Variants in PNPLA3 observed in about 807,000 individuals in gnomAD.
PNPLA3 encodes the protein 1-acylglycerol-3-phosphate O-acyltransferase PNPLA3.
PNPLA3 carries 42 observed loss-of-function variants against 43.1 expected under a neutral mutation model. The ratio of observed to expected loss-of-function variants is 0.97; its 90% CI spans 0.76 to 1.26. PNPLA3 has a LOEUF of 1.26. PNPLA3 is among the 50% of genes most tolerant of loss of function. PNPLA3 has a pLI of 0.00. For missense variants in PNPLA3, 647 were observed against 621.4 expected, an observed-to-expected ratio of 1.04 and a Z score of -0.44; for synonymous variants, 272 against 253.6, an observed-to-expected ratio of 1.07 and a Z score of -0.69.
At chr22:43,946,117 G>A (rs1405590935) in intron 8 of PNPLA3, 37 bp from the exon 9 acceptor site, 1 of 1,593,386 alleles carries the variant, frequency 6.3e-7, no homozygotes, top group African/African-American at 1.3e-5. Context: ...GCAGCAGCGG[G>A]AACGGCCTCT....
chr22:43,925,978 G>A (rs1302105522), intron 1 of PNPLA3, among the ~76,000 whole-genome samples: 1 of 152,214 alleles, frequency 6.6e-6, no homozygotes, highest in Non-Finnish European at 1.5e-5. Flanking sequence ...GAACCACCAA[G>A]TCCCTGGAAG....
chr22:43,945,418 G>A (rs4823180), intron 8 of PNPLA3, among the ~76,000 whole-genome samples: 31,068 of 152,050 alleles, frequency 0.2, 3,707 homozygotes, highest in East Asian at 0.4. Context: ...CCAGGGTTGG[G>A]CGTTATCCTG....
At position 43,923,934 on chromosome 22, in the gene PNPLA3, G is replaced by A. The variant is rs1168388173; in HGVS notation, c.23G>A (p.Trp8Ter). Residue 8 changes from tryptophan (W) to a stop codon, truncating the protein, a stop_gained, in exon 1 of 9, where the codon TGG becomes TAG. Coordinates refer to ENST00000216180, the MANE Select transcript of PNPLA3 (RefSeq NM_025225.3). LOFTEE classifies it high-confidence loss of function. Reference sequence around the variant, plus strand: ...GCCATGTACGACGCAGAGCGCGGCTGGAGCTTGTCCTTCGCGGGCTGCGGC... The same window carrying A: ...GCCATGTACGACGCAGAGCGCGGCTAGAGCTTGTCCTTCGCGGGCTGCGGC... MYDAERGWSLSFAGCGFL... is the reference protein window; with the variant it reads MYDAERG 6.3e-7 allele frequency: 1 copy of A among 1,577,106 alleles called. No individual in the cohort carries two copies. Among genetic ancestry groups the A allele is most frequent in the Non-Finnish European group, 8.5e-7 (1 of 1,170,170 alleles).
chr22:43,944,756 T>TG lies in PNPLA3; in HGVS notation c.1179dup (p.Phe394ValfsTer29). On this transcript the variant is annotated frameshift_variant, in exon 8 of 9. Coordinates refer to ENST00000216180, the MANE Select transcript of PNPLA3 (RefSeq NM_025225.3). LOFTEE classifies it low-confidence loss of function (END_TRUNC). ...TGGTTGCAGTGGGTGACCTCACAGG[T>TG]GTTCACTCGAGTGCTGATGTGTCTG... 6.2e-7 allele frequency: 1 copy of TG among 1,614,156 alleles called. No individual in the cohort carries two copies. The highest frequency in any genetic ancestry group is 8.5e-7 in the Non-Finnish European group (1 of 1,180,030).
chr22:43,927,168 G>A lies in PNPLA3; in HGVS notation c.420+1G>A, dbSNP rs372217781. On this transcript the variant is annotated splice_donor_variant, in intron 2 of 8. Transcript: ENST00000216180. LOFTEE classifies it high-confidence loss of function. Reference sequence around the variant, plus strand: ...TCGGTCCAAAGACGAAGTCGTGGATGTAAGCAGTTTGCTTATCTGGACGTT... The same window carrying A: ...TCGGTCCAAAGACGAAGTCGTGGATATAAGCAGTTTGCTTATCTGGACGTT... 5.6e-5 allele frequency: 91 copies of A among 1,613,056 alleles called. No homozygotes were observed. Among genetic ancestry groups the A allele is most frequent in the Non-Finnish European group, 7.3e-5 (86 of 1,179,140 alleles).
intron 3 of PNPLA3, among the ~76,000 whole-genome samples, chr22:43,929,660 A>G (rs1186306221): frequency 6.9e-6 from 1 of 144,636 alleles, no homozygotes; most frequent in Non-Finnish European, 1.5e-5. Flanking sequence ...GCAGTGGTGC[A>G]ATCTCGGCTC....
intron 5 of PNPLA3, among the ~76,000 whole-genome samples, chr22:43,935,388 A>G (rs891031717): frequency 6.6e-6 from 1 of 152,150 alleles, no homozygotes; most frequent in African/African-American, 2.4e-5. Context: ...CAGCCTTGTG[A>G]GAGAAGTGAG....
Position 43,946,579 on chromosome 22 carries a change from A to C in PNPLA3, c.*197A>C. On this transcript the variant is annotated 3_prime_UTR_variant, in exon 9 of 9. Transcript: ENST00000216180. The stretch of plus-strand genomic sequence containing the variant: ...CAGCGGTCCAGCACTTAACTCTAAT[A>C]CATCAGCATGCGTTAATTCAGCTGG... 4.2e-6 allele frequency: 3 copies of C among 715,398 alleles called. No individual in the cohort carries two copies. The highest frequency in any genetic ancestry group is 7.6e-6 in the Non-Finnish European group (3 of 392,698). 44.3% of individuals were successfully genotyped at this position (715,398 alleles called of 1,614,324 possible). A position where few individuals can be genotyped will look rare whatever the true frequency, so the allele number is the denominator to read the frequency against.
intron 6 of PNPLA3, chr22:43,939,491 G>A (rs995485147): frequency 2.3e-5 from 20 of 869,136 alleles, no homozygotes; most frequent in Admixed American, 5.6e-5. Flanking sequence ...TGTGCTCCCC[G>A]CTTCAGCTTC....
chr22:43,936,787 G>T (rs988913859), intron 5 of PNPLA3, among the ~76,000 whole-genome samples: 1 of 152,148 alleles, frequency 6.6e-6, no homozygotes, highest in Non-Finnish European at 1.5e-5. Context: ...ACTAACCCTC[G>T]CCTTTGCACC....
rs151259379 is a variant in PNPLA3 at position 43,933,288 on chromosome 22, C to G, written c.696+201C>G. On this transcript the variant is annotated intron_variant, in intron 4 of 8. Coordinates refer to ENST00000216180, the MANE Select transcript of PNPLA3 (RefSeq NM_025225.3). ...ATGGGAATCACCTGGGAACATATAC[C>G]CAGACCTAAAACTCAGATCCACTTC... 7.9e-5 allele frequency among the ~76,000 whole-genome samples: 12 copies of G among 152,266 alleles called. No individual in the cohort carries two copies. In the East Asian group the frequency reaches 2.3e-3, roughly 29 times the overall value.
chr22:43,938,596 T>A (rs4823176), intron 6 of PNPLA3, among the ~76,000 whole-genome samples: 1 of 151,992 alleles, frequency 6.6e-6, no homozygotes, highest in Non-Finnish European at 1.5e-5. Flanking sequence ...CCAGATCTCA[T>A]GAGAACACAT....
At chr22:43,938,500 G>A (rs1905659718) in intron 6 of PNPLA3, among the ~76,000 whole-genome samples, 1 of 152,214 alleles carries the variant, frequency 6.6e-6, no homozygotes, top group Non-Finnish European at 1.5e-5. Context: ...GGCAGAAGGT[G>A]AACGGGAAGC....
At chr22:43,932,616 C>T (rs1421812196) in intron 3 of PNPLA3, among the ~76,000 whole-genome samples, 1 of 152,230 alleles carries the variant, frequency 6.6e-6, no homozygotes, top group African/African-American at 2.4e-5. Context: ...TTTCCATCTG[C>T]CTCTTTGCCA....
intron 3 of PNPLA3, among the ~76,000 whole-genome samples, chr22:43,932,088 CTGATGGCTGGCTG>C (rs948060548): frequency 2.6e-5 from 4 of 152,136 alleles, no homozygotes; most frequent in African/African-American, 7.2e-5. Context: ...ATGGCTGGCT[CTGATGGCTGGCTG>C]TGATGGCTGT....
rs2146773452 is a variant in PNPLA3, at chr22:43,926,191, C to T, written c.188-744C>T. ...ACAGGCAGAACCTGCCAGCCACGTG[C>T]AATTCCACCCCTCTGGCCACTCAGG... On this transcript the variant is annotated intron_variant, in intron 1 of 8. Transcript: ENST00000216180. Among the ~76,000 whole-genome samples the T allele has an allele frequency of 2.0e-5, 3 of 152,344 alleles. 1 individual carries two copies. The South Asian group carries it at 6.2e-4, about 32-fold the overall frequency.
chr22:43,930,912 T>G (rs1433308127), intron 3 of PNPLA3, among the ~76,000 whole-genome samples: 1 of 152,028 alleles, frequency 6.6e-6, no homozygotes, highest in African/African-American at 2.4e-5. Flanking sequence ...GATCATGAGG[T>G]CAGGAGATCG....
At position 43,946,294 on chromosome 22, in the gene PNPLA3, G is replaced by T. The variant is rs6006460; in HGVS notation, c.1358G>T (p.Ser453Ile). Residue 453 changes from serine (S) to isoleucine (I), a missense_variant, in exon 9 of 9, where the codon AGC becomes ATC. By Grantham distance (142) the Ser-to-Ile change is moderately radical (BLOSUM62 -2). Transcript: ENST00000216180. ...ACCCCGCGGTCCATCCTCAGGTCCA[G>T]CCTGAACTTCTTCTTGGGCAATAAA... ...EATPRSILRSSLNFFLGNKVP... is the reference protein window; with the variant it reads ...EATPRSILRSILNFFLGNKVP... 8,678 of 1,614,068 alleles carry T rather than the reference G, an allele frequency of 5.4e-3. 400 individuals are homozygous for T. In the African/African-American group the frequency reaches 0.1, roughly 19 times the overall value.
rs2049925575 is a variant in PNPLA3 at position 43,926,801 on chromosome 22, T to A, written c.188-134T>A. The A allele has an allele frequency of 5.8e-6, 4 of 686,476 alleles. No homozygotes were observed. In the South Asian group the frequency reaches 7.4e-5, roughly 13 times the overall value. 42.5% of individuals were successfully genotyped at this position (686,476 alleles called of 1,614,324 possible). ...ACATTTCAAGGGCGTGATAGCCACATGTGGCTCCCATAGTAGACAGTACTG... is the reference window on the plus strand; with the variant it reads ...ACATTTCAAGGGCGTGATAGCCACAAGTGGCTCCCATAGTAGACAGTACTG... On this transcript the variant is annotated intron_variant, in intron 1 of 8. Coordinates refer to ENST00000216180, the MANE Select transcript of PNPLA3 (RefSeq NM_025225.3).
Sources: gnomAD v4.1 joint callset for allele counts (sites outside exome capture counted in the v4.1 genomes callset) on GRCh38, gnomAD v4.1.1 for gene constraint, MANE v1.5 for transcripts, NCBI Gene and HGNC (gene_info 2026-07-23, HGNC 2026-07-21) for gene names.